CALN1: variants seen among roughly 807,000 people sequenced by gnomAD.
The protein encoded by CALN1 is calneuron 1.
CALN1 carries 17 observed loss-of-function variants against 30.6 expected under a neutral mutation model. The observed-to-expected ratio is 0.56, with a 90% CI of 0.38 to 0.83. The LOEUF (loss-of-function observed/expected upper bound fraction) is 0.83, where lower values mean the gene tolerates loss of function less well. CALN1 is among the 40% of genes least tolerant of loss of function. The pLI is 0.00. For missense variants in CALN1, 291 were observed against 354.9 expected, an observed-to-expected ratio of 0.82 and a Z score of 1.45; for synonymous variants, 156 against 131.4, an observed-to-expected ratio of 1.19 and a Z score of -1.28.
intron 4 of CALN1, among the ~76,000 whole-genome samples, chr7:72,037,427 G>C (rs1439997054): frequency 1.3e-5 from 2 of 152,174 alleles, no homozygotes; most frequent in Non-Finnish European, 2.9e-5. Flanking sequence ...TGGGATTACA[G>C]GCATGAGCTA....
At chr7:72,368,022 G>A (rs1803978372) in intron 2 of CALN1, among the ~76,000 whole-genome samples, 2 of 151,986 alleles carry the variant, frequency 1.3e-5, no homozygotes, top group African/African-American at 4.8e-5. Flanking sequence ...TCAGGAGGCT[G>A]AGGCAGAAGA....
At chr7:72,191,242 G>C (rs1790578418) in intron 3 of CALN1, among the ~76,000 whole-genome samples, 1 of 152,194 alleles carries the variant, frequency 6.6e-6, no homozygotes. Flanking sequence ...CCTACAAGAT[G>C]AACAGAGAAC....
the CALN1 span, among the ~76,000 whole-genome samples, chr7:72,479,526 T>C: frequency 6.6e-6 from 1 of 151,648 alleles, no homozygotes; most frequent in African/African-American, 2.4e-5. Flanking sequence ...AGGTTTTACA[T>C]ATGGATATTC....
intron 2 of CALN1, among the ~76,000 whole-genome samples, chr7:72,304,150 G>C (rs1799489758): frequency 6.6e-6 from 1 of 152,228 alleles, no homozygotes; most frequent in African/African-American, 2.4e-5. Flanking sequence ...AGGTCCAAAG[G>C]TATGGTTTCA....
intron 3 of CALN1, among the ~76,000 whole-genome samples, chr7:72,152,866 T>TG (rs1358704464): frequency 6.6e-6 from 1 of 152,152 alleles, no homozygotes; most frequent in Non-Finnish European, 1.5e-5. Flanking sequence ...GGTCACTCCA[T>TG]GGGGGAGAAG....
intron 3 of CALN1, among the ~76,000 whole-genome samples, chr7:72,207,016 A>C (rs147110836): frequency 3.3e-4 from 51 of 152,352 alleles, no homozygotes; most frequent in African/African-American, 1.2e-3. Context: ...CTGTTGAAAC[A>C]GTCTCTATAT....
intron 6 of CALN1, among the ~76,000 whole-genome samples, chr7:71,789,585 A>G (rs7786834): frequency 0.7 from 106,451 of 151,892 alleles, 39,201 homozygotes; most frequent in African/African-American, 0.93. Context: ...ATGTGAAGAT[A>G]GGGGGGCACC....
At chr7:71,900,701 T>C (rs1322661119) in intron 5 of CALN1, among the ~76,000 whole-genome samples, 1 of 152,162 alleles carries the variant, frequency 6.6e-6, no homozygotes, top group Non-Finnish European at 1.5e-5. Flanking sequence ...TGGTCACCTG[T>C]GGTTGGCAAC....
chr7:72,150,496 G>A (rs974008935), intron 3 of CALN1, among the ~76,000 whole-genome samples: 4 of 152,152 alleles, frequency 2.6e-5, no homozygotes, highest in Non-Finnish European at 5.9e-5. Flanking sequence ...TGACCGGGAG[G>A]GTAAGAGGCT....
intron 6 of CALN1, among the ~76,000 whole-genome samples, chr7:71,793,947 ATTGT>A (rs895233322): frequency 5.5e-4 from 84 of 152,298 alleles, no homozygotes; most frequent in African/African-American, 1.9e-3. Context: ...GAACTGGAAA[ATTGT>A]TTGTGCCCAA....
At chr7:71,972,898 T>C (rs1382545797) in intron 5 of CALN1, among the ~76,000 whole-genome samples, 1 of 152,146 alleles carries the variant, frequency 6.6e-6, no homozygotes, top group Non-Finnish European at 1.5e-5. Flanking sequence ...CCCCATATTT[T>C]GCAGCTTGGA....
At chr7:72,059,345 A>G (rs1169542037) in intron 4 of CALN1, among the ~76,000 whole-genome samples, 2 of 152,198 alleles carry the variant, frequency 1.3e-5, no homozygotes, top group Non-Finnish European at 2.9e-5. Flanking sequence ...AACAGTAGGG[A>G]TGAAGATTTC....
intron 4 of CALN1, among the ~76,000 whole-genome samples, chr7:72,053,446 G>A (rs1802969601): frequency 6.6e-6 from 1 of 152,196 alleles, no homozygotes; most frequent in Non-Finnish European, 1.5e-5. Context: ...GTGCTGGGTT[G>A]AATGGCAGTT....
intron 1 of CALN1, among the ~76,000 whole-genome samples, chr7:72,443,326 T>G (rs1434681733): frequency 6.6e-6 from 1 of 152,228 alleles, no homozygotes; most frequent in Non-Finnish European, 1.5e-5. Flanking sequence ...CAATGCTCAG[T>G]GCGTATTTGT....
chr7:71,998,479 C>T (rs145910564), intron 5 of CALN1, among the ~76,000 whole-genome samples: 27 of 152,060 alleles, frequency 1.8e-4, no homozygotes, highest in Non-Finnish European at 3.1e-4. Flanking sequence ...AAAGGAAATG[C>T]GGTTTTCATG....
Position 72,293,096 on chromosome 7 carries a change from G to A in CALN1, c.120-14286C>T, listed in dbSNP as rs373383970. Among the ~76,000 whole-genome samples, 70 of 152,060 alleles carry A rather than the reference G, an allele frequency of 4.6e-4. 1 individual carries two copies. Among genetic ancestry groups the A allele is most frequent in the African/African-American group, 1.3e-3 (54 of 41,464 alleles). On this transcript the variant is annotated intron_variant, in intron 2 of 6. Coordinates refer to ENST00000395275, the MANE Select transcript of CALN1 (RefSeq NM_031468.4). The stretch of plus-strand genomic sequence containing the variant: ...CCTTTCTTTCTAACTGATTTTATTC[G>A]TCAGAGCTTAGCCAGGAAAACAGAG...
At chr7:72,208,194 C>T (rs1350418012) in intron 3 of CALN1, among the ~76,000 whole-genome samples, 1 of 152,182 alleles carries the variant, frequency 6.6e-6, no homozygotes, top group African/African-American at 2.4e-5. Flanking sequence ...TCCTGATTCA[C>T]ATAGATGGGT....
At chr7:71,890,746 C>CT (rs10690153) in intron 5 of CALN1, among the ~76,000 whole-genome samples, 14,016 of 123,130 alleles carry the variant, frequency 0.11, 2,657 homozygotes, top group African/African-American at 0.38. Flanking sequence ...TGTTTTCTAG[C>CT]TTTTTTTTTT....
intron 4 of CALN1, among the ~76,000 whole-genome samples, chr7:72,057,393 T>TTC (rs1464469331): frequency 6.7e-6 from 1 of 149,424 alleles, no homozygotes; most frequent in Non-Finnish European, 1.5e-5. Context: ...CTTTTTTTTT[T>TTC]TTTTTTTTTT....
Sources: gnomAD v4.1 joint callset for allele counts (sites outside exome capture counted in the v4.1 genomes callset) on GRCh38, gnomAD v4.1.1 for gene constraint, MANE v1.5 for transcripts, NCBI Gene and HGNC (gene_info 2026-07-23, HGNC 2026-07-21) for gene names.